The following PCLO variants were observed in gnomAD, a reference collection of about 807,000 sequenced individuals.
PCLO encodes the protein protein piccolo.
A neutral mutation model predicts 427.5 loss-of-function variants in PCLO; 82 were observed. The observed-to-expected ratio is 0.19, with a 90% CI of 0.16 to 0.23. PCLO has a LOEUF of 0.23. Ranked by LOEUF, PCLO falls within the 10% of genes least tolerant of loss-of-function variation. PCLO has a pLI of 1.00. For synonymous variants in PCLO, 2,357 were observed against 2,155.4 expected (o/e 1.09, Z -2.59); for missense variants, 6,239 against 6,115.9 (o/e 1.02, Z -0.67).
chr7:82,837,902 C>T (rs1319320101), intron 15 of PCLO, among the ~76,000 whole-genome samples: 1 of 151,916 alleles, frequency 6.6e-6, no homozygotes, highest in Non-Finnish European at 1.5e-5. Context: ...TTAACTTTGA[C>T]ACAAATAATT....
intron 14 of PCLO, 59 bp downstream of exon 14, chr7:82,841,400 C>T: frequency 1.0e-6 from 1 of 983,902 alleles, no homozygotes; most frequent in Non-Finnish European, 1.6e-6. Context: ...TTTCAACAAA[C>T]CAGTGGCAAA....
In PCLO at chr7:82,902,724, C is replaced by G. The variant is rs1313907528; in HGVS notation, c.13455G>C (p.Gly4485=). Residue 4485 remains glycine, a synonymous_variant, in exon 9 of 25, where the codon GGG becomes GGC. Coordinates refer to ENST00000333891, the MANE Select transcript of PCLO (RefSeq NM_033026.6). The part of the protein sequence containing the change: ...QHQEQIIQMN[G]KTMHYIFPHA... ...GAGGAAAGATGTAGTGCATAGTTTT[C>G]CCGTTCATCTGTATAATCTAAGACA... is the stretch of plus-strand genomic sequence containing the variant. 1 of 1,591,130 alleles carries G rather than the reference C, an allele frequency of 6.3e-7. No homozygotes were observed.
intron 19 of PCLO, among the ~76,000 whole-genome samples, chr7:82,823,859 T>G (rs1424342262): frequency 6.6e-6 from 1 of 152,206 alleles, no homozygotes; most frequent in African/African-American, 2.4e-5. Context: ...GATTATAACT[T>G]AATGATAATG....
In PCLO at chr7:82,916,377, G is replaced by A; in HGVS notation, c.11609C>T (p.Pro3870Leu). 1 of 1,613,664 alleles carries A rather than the reference G, an allele frequency of 6.2e-7. No homozygotes were observed. Among genetic ancestry groups the A allele is most frequent in the Non-Finnish European group, 8.5e-7 (1 of 1,179,736 alleles). ...TAGTTGAGATTCTGTTTGGGTTTGT[G>A]GTGGTATAAACTGGCTGAATTCAGT... Reference protein sequence around the residue: ...PQTEFSQFIPPQTQTESQLVP... With the variant: ...PQTEFSQFIPLQTQTESQLVP... Residue 3870 changes from proline (P) to leucine (L), a missense_variant, in exon 7 of 25, where the codon CCA becomes CTA. This residue lies in a region of PCLO where 680 missense variants were observed against 677.3 expected (regional missense o/e 1.00). Transcript: ENST00000333891.
At chr7:83,000,344 A>G (rs10227045) in intron 3 of PCLO, among the ~76,000 whole-genome samples, 93,201 of 150,808 alleles carry the variant, frequency 0.62, 30,133 homozygotes, top group East Asian at 0.85. Flanking sequence ...CTCTGAAACT[A>G]TCTCTACAAA....
chr7:82,954,367 T>G lies in PCLO; in HGVS notation c.6586A>C (p.Ser2196Arg). ...SSVSSVCTTDSSSPITTLDSI... is the reference protein window; with the variant it reads ...SSVSSVCTTDRSSPITTLDSI... ...TCCAGGGTAGTAATGGGTGAAGAGC[T>G]ATCTGTGGTACAGACCGAAGAAACA... Residue 2196 changes from serine (S) to arginine (R), a missense_variant, in exon 5 of 25, where the codon AGC (serine) becomes CGC (arginine). Transcript: ENST00000333891. The G allele has an allele frequency of 1.2e-6, 2 of 1,613,894 alleles. No individual in the cohort carries two copies. The highest frequency in any genetic ancestry group is 1.7e-6 in the Non-Finnish European group (2 of 1,179,834).
At position 82,950,764 on chromosome 7, in the gene PCLO, C is replaced by T. The variant is rs1562876553; in HGVS notation, c.9824G>A (p.Arg3275Gln). Reference protein sequence around the residue: ...QHLLFQQEEERQAQFMMRQET... With the variant: ...QHLLFQQEEEQQAQFMMRQET... ...CTGCCTCATCATGAACTGGGCTTGC[C>T]GCTCTTCTTCTTGCTGAAAGAGAAG... Residue 3275 changes from arginine to glutamine, a missense_variant, in exon 6 of 25, where the codon CGG (arginine) becomes CAG (glutamine). Transcript: ENST00000333891. 2.5e-6 allele frequency: 4 copies of T among 1,613,766 alleles called. No individual in the cohort carries two copies. The highest frequency in any genetic ancestry group is 1.6e-4 in the Middle Eastern group (1 of 6,062).
intron 16 of PCLO, among the ~76,000 whole-genome samples, chr7:82,831,326 T>A (rs1157569953): frequency 1.3e-5 from 2 of 152,140 alleles, no homozygotes; most frequent in African/African-American, 4.8e-5. Flanking sequence ...ATTAGGCCCA[T>A]CATAAAATGT....
chr7:83,062,880 A>G lies in PCLO; in HGVS notation c.3300+71370T>C, dbSNP rs1014735228. ...CTTAAGAACTATGTACCATAATTCT[A>G]TATGATTGCATTGACTTTCTAATAT... On this transcript the variant is annotated intron_variant, in intron 3 of 24. Transcript: ENST00000333891. Among the ~76,000 whole-genome samples, 10 of 152,090 alleles carry G rather than the reference A, an allele frequency of 6.6e-5. No individual in the cohort carries two copies. In the East Asian group the frequency reaches 1.9e-3, roughly 29 times the overall value.
At chr7:82,965,624 C>A in intron 4 of PCLO, 147 bp downstream of exon 4, 1 of 571,764 alleles carries the variant, frequency 1.7e-6, no homozygotes. Flanking sequence ...TCATTATAGT[C>A]AAACAAGTGT....
At chr7:82,850,829 T>C (rs1018742404) in intron 10 of PCLO, among the ~76,000 whole-genome samples, 5 of 152,178 alleles carry the variant, frequency 3.3e-5, no homozygotes, top group Admixed American at 6.6e-5. Context: ...GATAGTCTAC[T>C]AGAAAACAAT....
intron 2 of PCLO, among the ~76,000 whole-genome samples, chr7:83,139,118 A>G (rs1392950723): frequency 6.6e-6 from 1 of 152,218 alleles, no homozygotes; most frequent in Admixed American, 6.5e-5. Flanking sequence ...ACTTTCTGAT[A>G]AACTTGATTA....
chr7:82,815,810 C>T (rs1301150188), intron 20 of PCLO, among the ~76,000 whole-genome samples: 1 of 151,956 alleles, frequency 6.6e-6, no homozygotes, highest in African/African-American at 2.4e-5. Context: ...TTACTTTTTG[C>T]ACCAACCTAA....
intron 9 of PCLO, chr7:82,894,564 G>A (rs1793854361): frequency 6.6e-6 from 1 of 151,982 alleles, no homozygotes; most frequent in Non-Finnish European, 1.5e-5. Context: ...AGAAAAACTC[G>A]CCCCCATGAC....
chr7:82,997,023 G>T lies in PCLO; in HGVS notation c.3301-30536C>A, dbSNP rs1787634508. On this transcript the variant is annotated intron_variant, in intron 3 of 24. Coordinates refer to ENST00000333891, the MANE Select transcript of PCLO (RefSeq NM_033026.6). Reference sequence around the variant, plus strand: ...CCATTTATGTCCAAGGTAGAACCTAGAATTAATTTTAAATCAAAGGATTTA... The same window carrying T: ...CCATTTATGTCCAAGGTAGAACCTATAATTAATTTTAAATCAAAGGATTTA... Among the ~76,000 whole-genome samples the T allele has an allele frequency of 2.0e-5, 3 of 151,934 alleles. No homozygotes were observed. The South Asian group carries it at 6.2e-4, about 31-fold the overall frequency.
chr7:82,965,768 T>C lies in PCLO; in HGVS notation c.4017+3A>G. The C allele has an allele frequency of 6.4e-7, 1 of 1,570,074 alleles. No homozygotes were observed. The highest frequency in any genetic ancestry group is 2.0e-5 in the Admixed American group (1 of 51,134). On this transcript the variant is annotated splice_donor_region_variant and intron_variant, in intron 4 of 24. Coordinates refer to ENST00000333891, the MANE Select transcript of PCLO (RefSeq NM_033026.6). Reference sequence around the variant, plus strand: ...TGTGAGAAGTTAGTAAAATTTAACTTACTGTTTTTTCTTTCCCAGGTTCCA... The same window carrying C: ...TGTGAGAAGTTAGTAAAATTTAACTCACTGTTTTTTCTTTCCCAGGTTCCA...
chr7:82,885,612 G>T (rs926488092), intron 9 of PCLO, among the ~76,000 whole-genome samples: 6 of 152,228 alleles, frequency 3.9e-5, no homozygotes, highest in South Asian at 4.1e-4. Context: ...TATTTTGGTA[G>T]AAAAATGTGC....
chr7:82,761,522 A>G lies in PCLO; in HGVS notation c.15008-29T>C, dbSNP rs770276589. 5.2e-6 allele frequency: 8 copies of G among 1,531,178 alleles called. No homozygotes were observed. In the African/African-American group the frequency reaches 5.5e-5, roughly 10 times the overall value. 94.8% of individuals were successfully genotyped at this position (1,531,178 alleles called of 1,614,324 possible). A position where few individuals can be genotyped will look rare whatever the true frequency, so the allele number is the denominator to read the frequency against. Reference sequence around the variant, plus strand: ...GGAGAATTTAATAAAAATGCAAAGAAGTATGTAATGCCATATATGAAATGT... The same window carrying G: ...GGAGAATTTAATAAAAATGCAAAGAGGTATGTAATGCCATATATGAAATGT... On this transcript the variant is annotated intron_variant, in intron 22 of 24. Coordinates refer to ENST00000333891, the MANE Select transcript of PCLO (RefSeq NM_033026.6).
Position 82,836,885 on chromosome 7 carries a change from T to G in PCLO, c.14223-1192A>C, listed in dbSNP as rs139128665. ...AACCAACTACAGTAAAAGAATACAC[T>G]TCATATAATTAAAATGCTTTTAAAT... On this transcript the variant is annotated intron_variant, in intron 15 of 24. Coordinates refer to ENST00000333891, the MANE Select transcript of PCLO (RefSeq NM_033026.6). Among the ~76,000 whole-genome samples the G allele has an allele frequency of 2.9e-3, 444 of 152,228 alleles. 3 individuals carry two copies. Among genetic ancestry groups the G allele is most frequent in the African/African-American group, 0.01 (431 of 41,546 alleles).
Sources: gnomAD v4.1 joint callset for allele counts (sites outside exome capture counted in the v4.1 genomes callset) on GRCh38, gnomAD v4.1.1 for gene constraint, gnomAD v4.1.1 regional missense constraint, MANE v1.5 for transcripts, NCBI Gene and HGNC (gene_info 2026-07-23, HGNC 2026-07-21) for gene names.